The following MACROD2 variants were observed in gnomAD, a reference collection of about 807,000 sequenced individuals.
MACROD2 encodes the protein mono-ADP ribosylhydrolase 2.
A neutral mutation model predicts 70.4 loss-of-function variants in MACROD2; 36 were observed. The ratio of observed to expected loss-of-function variants is 0.51; its 90% CI spans 0.39 to 0.68. The LOEUF is 0.68. MACROD2 is among the 30% of genes least tolerant of loss of function. MACROD2 has a pLI of 0.00. For synonymous variants in MACROD2, 172 were observed against 178.8 expected, an observed-to-expected ratio of 0.96 and a Z score of 0.30; for missense variants, 496 against 538.4, an observed-to-expected ratio of 0.92 and a Z score of 0.78.
intron 3 of MACROD2, among the ~76,000 whole-genome samples, chr20:14,364,650 T>A (rs2083255656): frequency 6.6e-6 from 1 of 152,168 alleles, no homozygotes. Flanking sequence ...CACCAAACTG[T>A]TTTCTGTTTC....
chr20:14,227,575 G>A (rs1449610592), intron 3 of MACROD2, among the ~76,000 whole-genome samples: 2 of 152,156 alleles, frequency 1.3e-5, no homozygotes, highest in Non-Finnish European at 2.9e-5. Context: ...AAGAAACTCC[G>A]AACGCATCTG....
At position 14,779,147 on chromosome 20, in the gene MACROD2, C is replaced by T. The variant is rs138280607; in HGVS notation, c.418+94188C>T. 3.6e-3 allele frequency among the ~76,000 whole-genome samples: 548 copies of T among 152,144 alleles called. 8 individuals are homozygous for T. The highest frequency in any genetic ancestry group is 0.013 in the African/African-American group (524 of 41,472). On this transcript the variant is annotated intron_variant, in intron 5 of 17. Transcript: ENST00000684519. ...TCAGATTTCTTCCACCAAAAGGCAT[C>T]ATTAGATGTCTTCATTCCAAGCTCA...
chr20:14,002,997 A>G (rs1242603204), intron 2 of MACROD2, among the ~76,000 whole-genome samples: 1 of 152,228 alleles, frequency 6.6e-6, no homozygotes, highest in Non-Finnish European at 1.5e-5. Flanking sequence ...TACGTGAAAA[A>G]GTTTCTAAAA....
At chr20:15,398,703 T>C (rs1244536617) in intron 6 of MACROD2, among the ~76,000 whole-genome samples, 1 of 152,230 alleles carries the variant, frequency 6.6e-6, no homozygotes, top group African/African-American at 2.4e-5. Context: ...CCGTCTTCAT[T>C]GTGTTGGTTG....
intron 8 of MACROD2, among the ~76,000 whole-genome samples, chr20:15,642,534 C>T (rs73900028): frequency 1.3e-4 from 20 of 151,440 alleles, no homozygotes; most frequent in African/African-American, 4.6e-4. Context: ...TAGTTTTCCT[C>T]TCTGATTTGT....
At chr20:14,700,603 G>A (rs940806229) in intron 5 of MACROD2, among the ~76,000 whole-genome samples, 11 of 151,106 alleles carry the variant, frequency 7.3e-5, no homozygotes, top group African/African-American at 2.7e-4. Flanking sequence ...GTACTTTGAG[G>A]GAAAAAGAGA....
intron 3 of MACROD2, among the ~76,000 whole-genome samples, chr20:14,477,035 G>T (rs1012135114): frequency 6.6e-6 from 1 of 152,174 alleles, no homozygotes; most frequent in African/African-American, 2.4e-5. Flanking sequence ...ACTAGGCAGT[G>T]AGAGTTAACA....
intron 5 of MACROD2, among the ~76,000 whole-genome samples, chr20:14,872,758 T>C (rs886283425): frequency 6.6e-6 from 1 of 152,128 alleles, no homozygotes; most frequent in Non-Finnish European, 1.5e-5. Flanking sequence ...TTTCACACTG[T>C]GGTAAAGAAC....
chr20:15,698,255 G>A (rs900058917), intron 8 of MACROD2, among the ~76,000 whole-genome samples: 3 of 152,208 alleles, frequency 2.0e-5, no homozygotes, highest in African/African-American at 7.2e-5. Context: ...AGCAGTTCTT[G>A]TAGTGGTGGC....
intron 5 of MACROD2, among the ~76,000 whole-genome samples, chr20:15,187,545 A>G (rs2076542232): frequency 1.3e-5 from 2 of 152,148 alleles, no homozygotes; most frequent in Admixed American, 1.3e-4. Context: ...ATATACTGGA[A>G]CATCTCTCAA....
chr20:14,377,745 C>A (rs1029301484), intron 3 of MACROD2, among the ~76,000 whole-genome samples: 9 of 152,168 alleles, frequency 5.9e-5, no homozygotes, highest in African/African-American at 2.2e-4. Flanking sequence ...TTAGCATGTT[C>A]TCTTATACTT....
At chr20:14,087,920 A>G (rs1007772783) in intron 3 of MACROD2, among the ~76,000 whole-genome samples, 1 of 152,140 alleles carries the variant, frequency 6.6e-6, no homozygotes, top group Non-Finnish European at 1.5e-5. Flanking sequence ...ATATATATAC[A>G]CATATAATCT....
At chr20:14,997,580 A>G (rs1441691512) in intron 5 of MACROD2, among the ~76,000 whole-genome samples, 1 of 152,210 alleles carries the variant, frequency 6.6e-6, no homozygotes, top group African/African-American at 2.4e-5. Flanking sequence ...GCTCAGCCAC[A>G]GTAAAATAAA....
chr20:15,359,963 A>G lies in MACROD2; in HGVS notation c.541-71442A>G, dbSNP rs139953521. Among the ~76,000 whole-genome samples, 600 of 152,258 alleles carry G rather than the reference A, an allele frequency of 3.9e-3. 7 individuals carry two copies. The highest frequency in any genetic ancestry group is 0.014 in the African/African-American group (580 of 41,562). ...ACAGACACAGAACCATTACATTACC[A>G]CCAGTACCTACCTCATGCTACCCAT... is the stretch of plus-strand genomic sequence containing the variant. On this transcript the variant is annotated intron_variant, in intron 6 of 17. Coordinates refer to ENST00000684519, the MANE Select transcript of MACROD2 (RefSeq NM_001351661.2).
intron 2 of MACROD2, among the ~76,000 whole-genome samples, chr20:14,048,849 A>C (rs113867142): frequency 1.4e-4 from 21 of 152,336 alleles, no homozygotes; most frequent in African/African-American, 5.1e-4. Context: ...AATTTTTGAG[A>C]AAATATTCCT....
intron 8 of MACROD2, among the ~76,000 whole-genome samples, chr20:15,611,531 G>A (rs1292506811): frequency 6.6e-6 from 1 of 152,048 alleles, no homozygotes; most frequent in African/African-American, 2.4e-5. Flanking sequence ...TCTACTTCCA[G>A]TTGGTGTGCA....
intron 5 of MACROD2, among the ~76,000 whole-genome samples, chr20:15,045,644 C>T (rs539856131): frequency 1.3e-5 from 2 of 151,304 alleles, no homozygotes; most frequent in Admixed American, 6.6e-5. Flanking sequence ...AGAAAGGCCA[C>T]CATTACCCAT....
intron 2 of MACROD2, among the ~76,000 whole-genome samples, chr20:14,020,512 A>G (rs1314362820): frequency 1.3e-5 from 2 of 151,996 alleles, no homozygotes; most frequent in African/African-American, 4.8e-5. Context: ...CCATAAGTCC[A>G]TTGTCTGGGC....
chr20:14,919,874 T>G (rs1422134209), intron 5 of MACROD2, among the ~76,000 whole-genome samples: 1 of 152,188 alleles, frequency 6.6e-6, no homozygotes, highest in East Asian at 1.9e-4. Context: ...GTGGCCCCAT[T>G]AGCCCCTCCT....
Sources: gnomAD v4.1 joint callset for allele counts (sites outside exome capture counted in the v4.1 genomes callset) on GRCh38, gnomAD v4.1.1 for gene constraint, MANE v1.5 for transcripts, NCBI Gene and HGNC (gene_info 2026-07-23, HGNC 2026-07-21) for gene names.